Variants in AP4S1 observed in about 807,000 individuals in gnomAD.
The protein encoded by AP4S1 is adaptor related protein complex 4 subunit sigma 1.
AP4S1 carries 23 observed loss-of-function variants against 19.8 expected under a neutral mutation model. The observed-to-expected ratio is 1.16, with a 90% CI of 0.84 to 1.65. The LOEUF (loss-of-function observed/expected upper bound fraction) is 1.65, where lower values mean the gene tolerates loss of function less well. Ranked by LOEUF, AP4S1 falls within the 40% of genes most tolerant of loss-of-function variation. The pLI, the probability that AP4S1 is intolerant of heterozygous loss-of-function variation, is 0.00. For synonymous variants in AP4S1, 46 were observed against 54.1 expected (o/e 0.85, Z 0.66); for missense variants, 166 against 172.8 (o/e 0.96, Z 0.22).
At chr14:31,069,080 G>A (rs1013871828) in intron 2 of AP4S1, among the ~76,000 whole-genome samples, 1 of 152,092 alleles carries the variant, frequency 6.6e-6, no homozygotes, top group Non-Finnish European at 1.5e-5. Context: ...GCACCTAAGA[G>A]CAACACATCC....
At chr14:31,060,595 T>G (rs1276518487) in intron 1 of AP4S1, among the ~76,000 whole-genome samples, 1 of 152,160 alleles carries the variant, frequency 6.6e-6, no homozygotes, top group Non-Finnish European at 1.5e-5. Context: ...TTTTAAGCAA[T>G]GCCTTCTCCT....
intron 1 of AP4S1, among the ~76,000 whole-genome samples, chr14:31,055,113 ATTACATTATATATATATAT>A (rs966895362): frequency 1.7e-4 from 25 of 149,922 alleles, no homozygotes; most frequent in African/African-American, 6.1e-4. Flanking sequence ...AAATATATAT[ATTACATTATATATATATAT>A]TACATCTCAC....
intron 1 of AP4S1, among the ~76,000 whole-genome samples, chr14:31,035,680 T>C (rs1403920193): frequency 6.6e-6 from 1 of 151,032 alleles, no homozygotes; most frequent in African/African-American, 2.4e-5. Flanking sequence ...ACCCCCCTCA[T>C]GGTCATGCCA....
intron 5 of AP4S1, among the ~76,000 whole-genome samples, chr14:31,081,044 G>C (rs531812111): frequency 6.6e-6 from 1 of 152,052 alleles, no homozygotes; most frequent in Non-Finnish European, 1.5e-5. Context: ...CACCCACCTC[G>C]GCCTCCCAAA....
chr14:31,052,669 A>G (rs1885863069), intron 1 of AP4S1, among the ~76,000 whole-genome samples: 1 of 150,798 alleles, frequency 6.6e-6, no homozygotes, highest in Non-Finnish European at 1.5e-5. Flanking sequence ...TGGAGGTTAC[A>G]CTGAGCCAAA....
intron 2 of AP4S1, 62 bp from the exon 3 acceptor site, chr14:31,069,781 A>G: frequency 8.1e-7 from 1 of 1,229,856 alleles, no homozygotes; most frequent in Non-Finnish European, 1.2e-6. Context: ...GAACTTACGC[A>G]TGTCATTTTA....
chr14:31,082,797 G>A (rs1887710201), intron 5 of AP4S1, among the ~76,000 whole-genome samples: 1 of 152,100 alleles, frequency 6.6e-6, no homozygotes, highest in South Asian at 2.1e-4. Context: ...TTGGGAGGCT[G>A]AGGCAGGAGA....
chr14:31,060,400 T>C (rs1432948885), intron 1 of AP4S1, among the ~76,000 whole-genome samples: 1 of 152,186 alleles, frequency 6.6e-6, no homozygotes, highest in African/African-American at 2.4e-5. Context: ...AGCTCAGTTG[T>C]AAAGTGAATA....
intron 1 of AP4S1, among the ~76,000 whole-genome samples, chr14:31,039,609 G>T (rs1410627467): frequency 7.3e-6 from 1 of 137,860 alleles, no homozygotes; most frequent in Non-Finnish European, 1.5e-5. Flanking sequence ...GTTTCGCTCT[G>T]TCGCCCAGGC....
chr14:31,043,216 T>C (rs1032312225), intron 1 of AP4S1, among the ~76,000 whole-genome samples: 1 of 141,756 alleles, frequency 7.1e-6, no homozygotes, highest in Non-Finnish European at 1.6e-5. Flanking sequence ...GCGAGACTCT[T>C]TCAAAAAAGA....
chr14:31,039,822 C>T (rs929551228), intron 1 of AP4S1, among the ~76,000 whole-genome samples: 17 of 151,828 alleles, frequency 1.1e-4, no homozygotes, highest in Non-Finnish European at 2.1e-4. Context: ...ATCTCCTGAC[C>T]TCGTGATCCG....
At position 31,073,358 on chromosome 14, in the gene AP4S1, T is replaced by A. The variant is rs12881224; in HGVS notation, c.294+385T>A. ...ACAAAAAATTAGCTGGGCGTGGTGG[T>A]GGGCGCCTGTAGTCCCAGCTACTCC... is the stretch of plus-strand genomic sequence containing the variant. On this transcript the variant is annotated intron_variant, in intron 4 of 5. Transcript: ENST00000542754. Among the ~76,000 whole-genome samples, 4 of 125,812 alleles carry A rather than the reference T, an allele frequency of 3.2e-5. 1 individual carries two copies. In the Admixed American group the frequency reaches 3.5e-4, roughly 11 times the overall value. 82.5% of individuals were successfully genotyped at this position (125,812 alleles called of 152,430 possible). A position where few individuals can be genotyped will look rare whatever the true frequency, so the allele number is the denominator to read the frequency against.
intron 5 of AP4S1, chr14:31,085,563 C>A (rs1887885198): frequency 3.1e-6 from 3 of 972,208 alleles, no homozygotes; most frequent in Admixed American, 6.2e-5. Flanking sequence ...TGCTTGAGGC[C>A]AGGAGTTTGA....
intron 4 of AP4S1, among the ~76,000 whole-genome samples, 196 bp from the exon 5 acceptor site, chr14:31,080,377 T>C (rs1222609921): frequency 6.6e-6 from 1 of 152,188 alleles, no homozygotes; most frequent in South Asian, 2.1e-4. Context: ...TCCTTTGAAC[T>C]ACAGCCTATA....
intron 5 of AP4S1, among the ~76,000 whole-genome samples, chr14:31,092,206 C>G (rs1269850940): frequency 6.6e-6 from 1 of 152,192 alleles, no homozygotes; most frequent in Non-Finnish European, 1.5e-5. Flanking sequence ...GCCCTGCCTT[C>G]TTCATTCATT....
intron 5 of AP4S1, among the ~76,000 whole-genome samples, chr14:31,087,048 A>C (rs1887937767): frequency 6.6e-6 from 1 of 151,982 alleles, no homozygotes; most frequent in Non-Finnish European, 1.5e-5. Flanking sequence ...ATGCACCACC[A>C]CACCCAGCTG....
At chr14:31,059,968 T>G (rs900635307) in intron 1 of AP4S1, among the ~76,000 whole-genome samples, 1 of 72,228 alleles carries the variant, frequency 1.4e-5, no homozygotes, top group African/African-American at 5.9e-5. Context: ...TGTATATATA[T>G]GTATTTATGT....
intron 1 of AP4S1, among the ~76,000 whole-genome samples, chr14:31,031,770 C>G (rs1341318953): frequency 1.3e-5 from 2 of 152,148 alleles, no homozygotes; most frequent in African/African-American, 4.8e-5. Flanking sequence ...GTCATTTCCT[C>G]TCTTAAAGCT....
chr14:31,084,261 A>G (rs927420583), intron 5 of AP4S1, among the ~76,000 whole-genome samples: 4 of 152,188 alleles, frequency 2.6e-5, no homozygotes, highest in African/African-American at 9.7e-5. Flanking sequence ...AACCTGATCA[A>G]TTCCCAGGAA....
Sources: gnomAD v4.1 joint callset for allele counts (sites outside exome capture counted in the v4.1 genomes callset) on GRCh38, gnomAD v4.1.1 for gene constraint, MANE v1.5 for transcripts, NCBI Gene and HGNC (gene_info 2026-07-23, HGNC 2026-07-21) for gene names.